Variants in GC observed in about 807,000 individuals in gnomAD.
The protein encoded by GC is GC vitamin D binding protein.
A neutral mutation model predicts 56.7 loss-of-function variants in GC; 43 were observed. The observed-to-expected ratio is 0.76, with a 90% CI of 0.59 to 0.98. GC has a LOEUF of 0.98. Ranked by LOEUF, GC falls within the 50% of genes least tolerant of loss-of-function variation. The probability of loss-of-function intolerance (pLI) is 0.00; values close to 1 mark genes in which losing one functional copy is unlikely to be tolerated. For synonymous variants in GC, 216 were observed against 202.7 expected, an observed-to-expected ratio of 1.07 and a Z score of -0.56; for missense variants, 529 against 545.9, an observed-to-expected ratio of 0.97 and a Z score of 0.31.
Position 71,755,027 on chromosome 4 carries a change from A to G in GC, c.1115T>C (p.Leu372Pro). ...SKVLEPTLKSLGECCDVEDST... is the reference protein window; with the variant it reads ...SKVLEPTLKSPGECCDVEDST... ...GTCTTCAACATCACAGCATTCACCA[A>G]GGCTTTTTAGGGTTGGCTCAAGTAC... is the stretch of plus-strand genomic sequence containing the variant. Residue 372 changes from leucine to proline, a missense_variant, in exon 9 of 13, where the codon CTT becomes CCT. Transcript: ENST00000273951. The G allele has an allele frequency of 6.2e-7, 1 of 1,600,310 alleles. No individual in the cohort carries two copies. The highest frequency in any genetic ancestry group is 1.3e-5 in the African/African-American group (1 of 74,264).
chr4:71,746,505 T>G (rs1324199462), intron 11 of GC, among the ~76,000 whole-genome samples: 1 of 151,936 alleles, frequency 6.6e-6, no homozygotes, highest in African/African-American at 2.4e-5. Context: ...ACAGAGAAGT[T>G]TGAGTGCCAG....
rs530709853 is a variant in GC at position 71,765,380 on chromosome 4, T to G, written c.473+52A>C. 4 of 1,393,250 alleles carry G rather than the reference T, an allele frequency of 2.9e-6. No homozygotes were observed. The South Asian group carries it at 4.6e-5, about 16-fold the overall frequency. 86.3% of individuals were successfully genotyped at this position (1,393,250 alleles called of 1,614,324 possible). A position where few individuals can be genotyped will look rare whatever the true frequency, so the allele number is the denominator to read the frequency against. On this transcript the variant is annotated intron_variant, in intron 4 of 12. Transcript: ENST00000273951. ...CACAGAGTAGGGGGTTAGATTAGAG[T>G]CATTTCTGATACTTTAGGTCCTAAA...
At chr4:71,786,174 A>G (rs1334516502), upstream of GC, among the ~76,000 whole-genome samples, 1 of 151,890 alleles carries the variant, frequency 6.6e-6, no homozygotes, top group Admixed American at 6.6e-5. Context: ...ACGAGCTGCC[A>G]AATGCATTCT....
chr4:71,768,545 T>C, intron 2 of GC, 112 bp from the exon 3 acceptor site: 1 of 802,750 alleles, frequency 1.2e-6, no homozygotes, highest in Non-Finnish European at 1.9e-6. Flanking sequence ...CTCAGCTCAC[T>C]GCACTCTCTG....
At chr4:71,795,946 G>C (rs1368511873) in intron 1 of GC, among the ~76,000 whole-genome samples, 1 of 152,142 alleles carries the variant, frequency 6.6e-6, no homozygotes, top group African/African-American at 2.4e-5. Flanking sequence ...GAAATTCTGG[G>C]TTGACAATTC....
At chr4:71,774,266 G>A (rs1222916377) in intron 1 of GC, among the ~76,000 whole-genome samples, 3 of 151,976 alleles carry the variant, frequency 2.0e-5, no homozygotes, top group Admixed American at 6.6e-5. Flanking sequence ...AACGAAAACA[G>A]CAAAAGATAT....
intron 1 of GC, among the ~76,000 whole-genome samples, chr4:71,794,691 T>G (rs1046582892): frequency 2.0e-5 from 3 of 152,194 alleles, no homozygotes; most frequent in African/African-American, 7.2e-5. Context: ...ATTCCTTGCC[T>G]TCTGCTAGCT....
Position 71,769,675 on chromosome 4 carries a change from A to G in GC, c.59-275T>C, listed in dbSNP as rs1364259852. The G allele has an allele frequency of 9.1e-6, 3 of 328,568 alleles. No homozygotes were observed. The East Asian group carries it at 1.9e-4, about 21-fold the overall frequency. 20.4% of individuals were successfully genotyped at this position (328,568 alleles called of 1,614,324 possible). The stretch of plus-strand genomic sequence containing the variant: ...GTGAGTCAAATGATACATGTCAACT[A>G]GTGAGTCAGAAGCTATTGATATGGC... On this transcript the variant is annotated intron_variant, in intron 1 of 12. Transcript: ENST00000273951.
intron 10 of GC, among the ~76,000 whole-genome samples, chr4:71,754,054 C>T (rs1218514394): frequency 6.6e-6 from 1 of 152,164 alleles, no homozygotes; most frequent in African/African-American, 2.4e-5. Flanking sequence ...TAGATTCCAA[C>T]TACTTTTAAA....
chr4:71,785,562 A>G (rs1448542707), upstream of GC, among the ~76,000 whole-genome samples: 1 of 151,798 alleles, frequency 6.6e-6, no homozygotes, highest in Non-Finnish European at 1.5e-5. Context: ...AGCTAGTTGG[A>G]AAAAGATACC....
At chr4:71,790,059 A>G (rs193277500) in intron 1 of GC, among the ~76,000 whole-genome samples, 2 of 152,098 alleles carry the variant, frequency 1.3e-5, no homozygotes, top group African/African-American at 4.8e-5. Context: ...CTCTGTTATT[A>G]TACACATACA....
chr4:71,791,555 G>A (rs1742967951), intron 1 of GC, among the ~76,000 whole-genome samples: 2 of 151,952 alleles, frequency 1.3e-5, no homozygotes, highest in Non-Finnish European at 1.5e-5. Context: ...TCCTATCCAT[G>A]AACTTAAAAT....
At chr4:71,797,486 C>T (rs1743134675) in intron 1 of GC, among the ~76,000 whole-genome samples, 1 of 152,260 alleles carries the variant, frequency 6.6e-6, no homozygotes, top group African/African-American at 2.4e-5. Context: ...GGGCATGGGA[C>T]CTGCCGAGCC....
intron 1 of GC, among the ~76,000 whole-genome samples, chr4:71,776,592 G>T (rs1321640209): frequency 6.6e-6 from 1 of 151,772 alleles, no homozygotes; most frequent in African/African-American, 2.4e-5. Flanking sequence ...TTGCGTCAGG[G>T]TGACTATAGT....
intron 11 of GC, among the ~76,000 whole-genome samples, chr4:71,747,106 T>G (rs1057096609): frequency 6.6e-6 from 1 of 152,126 alleles, no homozygotes; most frequent in Non-Finnish European, 1.5e-5. Context: ...AGTCACTAAA[T>G]TTTCATCGTG....
intron 1 of GC, among the ~76,000 whole-genome samples, chr4:71,791,392 T>C (rs1413012872): frequency 5.9e-5 from 9 of 152,032 alleles, no homozygotes; most frequent in Admixed American, 5.9e-4. Context: ...GCTTTTAAGA[T>C]GATTACTTTA....
At chr4:71,798,665 AGAGT>A (rs1697013158) in intron 1 of GC, among the ~76,000 whole-genome samples, 1 of 152,212 alleles carries the variant, frequency 6.6e-6, no homozygotes, top group Admixed American at 6.5e-5. Context: ...AGACTTTATA[AGAGT>A]GAGTCTACAA....
chr4:71,773,108 G>T (rs114923388), intron 1 of GC, among the ~76,000 whole-genome samples: 3,100 of 151,956 alleles, frequency 0.02, 104 homozygotes, highest in African/African-American at 0.071. Context: ...AAAATTATAC[G>T]CTCTGTTTTC....
intron 1 of GC, among the ~76,000 whole-genome samples, chr4:71,794,089 C>T (rs377372156): frequency 2.0e-5 from 3 of 152,164 alleles, no homozygotes; most frequent in African/African-American, 7.2e-5. Flanking sequence ...TGCATCATTG[C>T]TCATCAGGGA....
Sources: allele counts gnomAD v4.1 joint callset (sites outside exome capture counted in the v4.1 genomes callset), GRCh38; gene constraint gnomAD v4.1.1; transcripts MANE v1.5; gene names NCBI Gene and HGNC (gene_info 2026-07-23, HGNC 2026-07-21).